EDEM1: variants seen among roughly 807,000 people sequenced by gnomAD.
The protein encoded by EDEM1 is ER degradation enhancing alpha-mannosidase like protein 1, also known as ER degradation-enhancing alpha-mannosidase-like protein 1.
EDEM1 carries 67 observed loss-of-function variants against 74.4 expected under a neutral mutation model. The observed-to-expected ratio is 0.90, with a 90% confidence interval of 0.74 to 1.10. The LOEUF is 1.10. Among genes scored for constraint, EDEM1 ranks in the 50% least tolerant of loss-of-function variants. The pLI is 0.00. For synonymous variants in EDEM1, 382 were observed against 335.9 expected, an observed-to-expected ratio of 1.14 and a Z score of -1.50; for missense variants, 926 against 851.6, an observed-to-expected ratio of 1.09 and a Z score of -1.09.
rs2055123044 is a variant in EDEM1, at chr3:5,208,245, C to T, written c.1491C>T (p.Ser497=). 6.2e-7 allele frequency: 1 copy of T among 1,612,008 alleles called. No homozygotes were observed. The highest frequency in any genetic ancestry group is 8.5e-7 in the Non-Finnish European group (1 of 1,179,394). The stretch of plus-strand genomic sequence containing the variant: ...CACTGAGACCAGAGTTAGTGGAATC[C>T]ACATATCTCCTCTACCAGGTACTAG... The part of the protein sequence containing the change: ...FYPLRPELVE[S]TYLLYQATKN... The change falls in exon 8 of 12, where the codon TCC becomes TCT. Residue 497 remains serine, a synonymous_variant. Transcript: ENST00000256497.
At position 5,201,739 on chromosome 3, in the gene EDEM1, C is replaced by G. The variant is rs1352714310; in HGVS notation, c.687-14C>G. On this transcript the variant is annotated splice_polypyrimidine_tract_variant and intron_variant, in intron 3 of 11. Coordinates refer to ENST00000256497, the MANE Select transcript of EDEM1 (RefSeq NM_014674.3). The stretch of plus-strand genomic sequence containing the variant: ...AACACGATTGTATTATCTTTTTGTT[C>G]TTCCTGTCATTAGGGTCCTGGGAAG... The G allele has an allele frequency of 8.1e-6, 13 of 1,613,256 alleles. No individual in the cohort carries two copies. Among genetic ancestry groups the G allele is most frequent in the Non-Finnish European group, 1.1e-5 (13 of 1,179,780 alleles).
chr3:5,205,089 G>T lies in EDEM1; in HGVS notation c.1065G>T (p.Thr355=), dbSNP rs754500224. Residue 355 remains threonine, a synonymous_variant, in exon 6 of 12, where the codon ACG becomes ACT. Coordinates refer to ENST00000256497, the MANE Select transcript of EDEM1 (RefSeq NM_014674.3). ...GLLGNVVNIQ[T]GHWVGKQSGL... ...CAGGCAATGTCGTGAACATTCAGAC[G>T]GGCCACTGGGTTGGAAAGCAGAGTG... 1 of 1,614,072 alleles carries T rather than the reference G, an allele frequency of 6.2e-7. No homozygotes were observed. Among genetic ancestry groups the T allele is most frequent in the Non-Finnish European group, 8.5e-7 (1 of 1,179,980 alleles).
rs2055268261 is a variant in EDEM1, at chr3:5,218,441, A to G, written c.*2523A>G. ...GCAGTTTCTTCTGTTCTGTGTTCTG[A>G]AATACTGGGTAGAGAATGGCTGAGG... is the stretch of plus-strand genomic sequence containing the variant. On this transcript the variant is annotated 3_prime_UTR_variant, in exon 12 of 12. Coordinates refer to ENST00000256497, the MANE Select transcript of EDEM1 (RefSeq NM_014674.3). The G allele has an allele frequency of 6.6e-6, 1 of 151,362 alleles. No homozygotes were observed. Among genetic ancestry groups the G allele is most frequent in the Admixed American group, 6.6e-5 (1 of 15,202 alleles). 9.4% of individuals were successfully genotyped at this position (151,362 alleles called of 1,614,324 possible). A position where few individuals can be genotyped will look rare whatever the true frequency, so the allele number is the denominator to read the frequency against.
chr3:5,187,744 G>T lies in EDEM1; in HGVS notation c.-62G>T, dbSNP rs1449971113. The T allele has an allele frequency of 1.4e-6, 2 of 1,452,446 alleles. No homozygotes were observed. Among genetic ancestry groups the T allele is most frequent in the Non-Finnish European group, 1.8e-6 (2 of 1,102,790 alleles). The allele number at this position is 1,452,446 out of a possible 1,614,324, so 90.0% of individuals were successfully genotyped here. On this transcript the variant is annotated 5_prime_UTR_variant, in exon 1 of 12. Transcript: ENST00000256497. The stretch of plus-strand genomic sequence containing the variant: ...AGCCGGGCTACGGGGCGAGCGCGGG[G>T]TGCGGTGGTCGGCGGGGAGGCCCCC...
chr3:5,198,949 C>T (rs1350920485), intron 2 of EDEM1, among the ~76,000 whole-genome samples: 2 of 152,074 alleles, frequency 1.3e-5, no homozygotes, highest in Non-Finnish European at 2.9e-5. Context: ...AGTGTGACGT[C>T]GTATCTACAT....
intron 1 of EDEM1, chr3:5,188,565 A>G (rs1018998878): frequency 2.5e-6 from 1 of 392,482 alleles, no homozygotes. Flanking sequence ...TGTCCAGCTC[A>G]GTGTCTTACG....
intron 2 of EDEM1, among the ~76,000 whole-genome samples, chr3:5,198,354 C>G (rs1197522867): frequency 6.6e-6 from 1 of 152,192 alleles, no homozygotes; most frequent in Non-Finnish European, 1.5e-5. Context: ...AGCCGGTTGA[C>G]TCTCTGATTA....
intron 9 of EDEM1, among the ~76,000 whole-genome samples, chr3:5,210,890 C>T (rs2055159438): frequency 6.6e-6 from 1 of 152,174 alleles, no homozygotes; most frequent in Non-Finnish European, 1.5e-5. Context: ...ACCCCGCCAC[C>T]ACGCCCACAC....
Position 5,212,319 on chromosome 3 carries a change from C to T in EDEM1, c.1681-1000C>T, listed in dbSNP as rs150569212. 1.9e-3 allele frequency among the ~76,000 whole-genome samples: 285 copies of T among 152,338 alleles called. 1 individual carries two copies. Among genetic ancestry groups the T allele is most frequent in the African/African-American group, 6.4e-3 (264 of 41,574 alleles). ...CCATGTGATCTGTCCAGTGGGAAGA[C>T]AGCTGTCCTGCTGTCGATTCCTGTG... On this transcript the variant is annotated intron_variant, in intron 10 of 11. Coordinates refer to ENST00000256497, the MANE Select transcript of EDEM1 (RefSeq NM_014674.3).
At chr3:5,188,564 C>G in intron 1 of EDEM1, 3 of 392,896 alleles carry the variant, frequency 7.6e-6, no homozygotes, top group Non-Finnish European at 1.3e-5. Context: ...CTGTCCAGCT[C>G]AGTGTCTTAC....
Position 5,215,883 on chromosome 3 carries a change from A to T in EDEM1, c.1939A>T (p.Met647Leu). The T allele has an allele frequency of 1.9e-6, 3 of 1,613,170 alleles. No individual in the cohort carries two copies. The highest frequency in any genetic ancestry group is 2.5e-6 in the Non-Finnish European group (3 of 1,179,706). ...RYSLPLKSIY[M>L]RQIDQMVGLI ...CTCCCTGCCCTTAAAGAGCATCTAC[A>T]TGCGACAGATTGACCAGATGGTTGG... Residue 647 changes from methionine to leucine, a missense_variant, in exon 12 of 12, where the codon ATG becomes TTG. Met to Leu is a conservative substitution (Grantham distance 15). Transcript: ENST00000256497.
intron 2 of EDEM1, among the ~76,000 whole-genome samples, chr3:5,196,779 C>T (rs1169153169): frequency 6.6e-6 from 1 of 152,118 alleles, no homozygotes; most frequent in Non-Finnish European, 1.5e-5. Context: ...GTATGTTCGA[C>T]CTTAGAGCTA....
Position 5,188,250 on chromosome 3 carries a change from G to A in EDEM1, c.445G>A (p.Ala149Thr). Residue 149 changes from alanine (A) to threonine (T), a missense_variant, in exon 1 of 12, where the codon GCC becomes ACC. Coordinates refer to ENST00000256497, the MANE Select transcript of EDEM1 (RefSeq NM_014674.3). ...VFGYDNYMAH[A>T]FPQDELNPIH... ...TGGCTACGACAACTACATGGCTCACGCCTTCCCCCAGGACGAGCTCAACCC... is the reference window on the plus strand; with the variant it reads ...TGGCTACGACAACTACATGGCTCACACCTTCCCCCAGGACGAGCTCAACCC... 4.4e-6 allele frequency: 7 copies of A among 1,579,436 alleles called. No homozygotes were observed. The highest frequency in any genetic ancestry group is 6.0e-6 in the Non-Finnish European group (7 of 1,165,174).
chr3:5,200,327 C>T lies in EDEM1; in HGVS notation c.686+632C>T, dbSNP rs910021483. On this transcript the variant is annotated intron_variant, in intron 3 of 11. Transcript: ENST00000256497. The stretch of plus-strand genomic sequence containing the variant: ...GTCTGATTTCATTTTCTTCTTTCAC[C>T]GTGTCCTAGGACAACCCCTACATAT... 1.2e-4 allele frequency among the ~76,000 whole-genome samples: 19 copies of T among 152,180 alleles called. 1 individual carries two copies. The highest frequency in any genetic ancestry group is 4.1e-4 in the South Asian group (2 of 4,830).
At chr3:5,204,988 T>C (rs2055077052) in intron 5 of EDEM1, 79 bp from the exon 6 acceptor site, 3 of 1,500,960 alleles carry the variant, frequency 2.0e-6, no homozygotes, top group Non-Finnish European at 2.7e-6. Flanking sequence ...GCAGTGTGGT[T>C]GGAGTAGGAG....
At position 5,201,765 on chromosome 3, in the gene EDEM1, C is replaced by G; in HGVS notation, c.699C>G (p.Ser233Arg). The change falls in exon 4 of 12, where the codon AGC (serine) becomes AGG (arginine). Residue 233 changes from serine (S) to arginine (R), a missense_variant. Ser to Arg is a moderately radical substitution (Grantham distance 110). Coordinates refer to ENST00000256497, the MANE Select transcript of EDEM1 (RefSeq NM_014674.3). ...VFEATIRVLG[S>R]LLSAHRIITD... is the part of the protein sequence containing the mutation. ...TTCCTGTCATTAGGGTCCTGGGAAGCCTCCTTTCTGCTCACAGAATAATAA... is the reference window on the plus strand; with the variant it reads ...TTCCTGTCATTAGGGTCCTGGGAAGGCTCCTTTCTGCTCACAGAATAATAA... 6.2e-7 allele frequency: 1 copy of G among 1,614,116 alleles called. No homozygotes were observed. Among genetic ancestry groups the G allele is most frequent in the East Asian group, 2.2e-5 (1 of 44,880 alleles).
chr3:5,187,784 T>C lies in EDEM1; in HGVS notation c.-22T>C. 6.5e-7 allele frequency: 1 copy of C among 1,539,194 alleles called. No homozygotes were observed. The highest frequency in any genetic ancestry group is 8.8e-7 in the Non-Finnish European group (1 of 1,142,666). ...GGGAGGCCCCCGCGCTTTAAAATAA[T>C]GCCCGCGGCGCCCGCGCGACCATGC... On this transcript the variant is annotated 5_prime_UTR_variant, in exon 1 of 12. The change abolishes an upstream ATG in the 5' untranslated region. Coordinates refer to ENST00000256497, the MANE Select transcript of EDEM1 (RefSeq NM_014674.3).
At position 5,193,444 on chromosome 3, in the gene EDEM1, ATAAGTT is replaced by A. The variant is rs555830392; in HGVS notation, c.510-1762_510-1757del. ...CTTTGAGGGGACCTTTTGCTATTGT[ATAAGTT>A]TATTTCCAGAAAATCAACAAATAGA... On this transcript the variant is annotated intron_variant, in intron 1 of 11. Coordinates refer to ENST00000256497, the MANE Select transcript of EDEM1 (RefSeq NM_014674.3). Among the ~76,000 whole-genome samples, 219 of 152,280 alleles carry A rather than the reference ATAAGTT, an allele frequency of 1.4e-3. 1 individual carries two copies. The highest frequency in any genetic ancestry group is 4.9e-3 in the African/African-American group (204 of 41,542).
In EDEM1 at chr3:5,218,710, CAGTAGCTTAGCTACTTT is replaced by C. The variant is rs990068547; in HGVS notation, c.*2796_*2812del. ...CTCATAACAAACTTTCAAATCATTA[CAGTAGCTTAGCTACTTT>C]AGTTGATGTGACCGAGGAATCCCTT... On this transcript the variant is annotated 3_prime_UTR_variant, in exon 12 of 12. Transcript: ENST00000256497. 1.3e-5 allele frequency: 2 copies of C among 150,606 alleles called. No homozygotes were observed. Among genetic ancestry groups the C allele is most frequent in the African/African-American group, 5.0e-5 (2 of 39,928 alleles). The allele number at this position is 150,606 out of a possible 1,614,324, so 9.3% of individuals were successfully genotyped here. A position where few individuals can be genotyped will look rare whatever the true frequency, so the allele number is the denominator to read the frequency against.
Sources: allele counts gnomAD v4.1 joint callset (sites outside exome capture counted in the v4.1 genomes callset), GRCh38; gene constraint gnomAD v4.1.1; transcripts MANE v1.5; gene names NCBI Gene and HGNC (gene_info 2026-07-23, HGNC 2026-07-21).